MTURN: variants seen among roughly 807,000 people sequenced by gnomAD.
MTURN encodes the protein maturin.
MTURN carries 7 observed loss-of-function variants against 14.9 expected under a neutral mutation model. The ratio of observed to expected loss-of-function variants is 0.47; its 90% CI spans 0.27 to 0.88. MTURN has a LOEUF of 0.88. Among genes scored for constraint, MTURN ranks in the 40% least tolerant of loss-of-function variants. The pLI is 0.14. For missense variants in MTURN, 151 were observed against 174.1 expected (o/e 0.87, Z 0.75); for synonymous variants, 69 against 72.5 (o/e 0.95, Z 0.25).
intron 2 of MTURN, among the ~76,000 whole-genome samples, chr7:30,152,146 CTT>C (rs1319496497): frequency 7.2e-6 from 1 of 139,058 alleles, no homozygotes; most frequent in Non-Finnish European, 1.6e-5. Flanking sequence ...TCTTTTTTTT[CTT>C]TTTTCCTTTT....
rs1796951098 is a variant in MTURN at position 30,135,985 on chromosome 7, T to TGCTCACACCCTCACCCTC, written c.162+688_162+705dup. Among the ~76,000 whole-genome samples, 3 of 149,020 alleles carry TGCTCACACCCTCACCCTC rather than the reference T, an allele frequency of 2.0e-5. No homozygotes were observed. In the South Asian group the frequency reaches 6.4e-4, roughly 32 times the overall value. On this transcript the variant is annotated intron_variant, in intron 1 of 2. Transcript: ENST00000324453. ...ATACACCCCAACACACACACACACA[T>TGCTCACACCCTCACCCTC]GCTCACACCCTCACCCTCACACGCG... is the stretch of plus-strand genomic sequence containing the variant.
chr7:30,138,555 T>G (rs1464252712), intron 1 of MTURN, among the ~76,000 whole-genome samples: 1 of 152,104 alleles, frequency 6.6e-6, no homozygotes, highest in Non-Finnish European at 1.5e-5. Context: ...GTCTCCTAAT[T>G]TGTCTCCTTG....
intron 2 of MTURN, among the ~76,000 whole-genome samples, chr7:30,146,666 G>T (rs542403451): frequency 6.6e-6 from 1 of 152,270 alleles, no homozygotes; most frequent in African/African-American, 2.4e-5. Context: ...ATAGTGGGGC[G>T]TATATTTGGG....
intron 2 of MTURN, among the ~76,000 whole-genome samples, chr7:30,156,324 G>A (rs145060052): frequency 4.9e-4 from 75 of 152,144 alleles, no homozygotes; most frequent in African/African-American, 1.8e-3. Context: ...CTTAAAATTG[G>A]GGTGTATTTT....
chr7:30,137,071 A>G (rs1796975087), intron 1 of MTURN, among the ~76,000 whole-genome samples: 1 of 151,256 alleles, frequency 6.6e-6, no homozygotes, highest in Non-Finnish European at 1.5e-5. Context: ...TCTTTTTGGA[A>G]GGAGTGGGAG....
intron 1 of MTURN, among the ~76,000 whole-genome samples, chr7:30,145,626 G>A (rs1797117565): frequency 6.6e-6 from 1 of 152,216 alleles, no homozygotes; most frequent in Admixed American, 6.5e-5. Context: ...GAAAGCCTTT[G>A]TTTTCCAGTG....
At chr7:30,149,456 G>A (rs546882707) in intron 2 of MTURN, among the ~76,000 whole-genome samples, 7 of 152,220 alleles carry the variant, frequency 4.6e-5, no homozygotes, top group Middle Eastern at 3.4e-3. Flanking sequence ...GCACCTTCCC[G>A]GACTGGTAAA....
intron 2 of MTURN, among the ~76,000 whole-genome samples, chr7:30,148,943 G>A (rs559966074): frequency 2.0e-4 from 30 of 152,258 alleles, no homozygotes; most frequent in African/African-American, 5.3e-4. Flanking sequence ...ACTGAGGTTC[G>A]CTTTGCAGCA....
Position 30,135,279 on chromosome 7 carries a change from A to G in MTURN, c.143A>G (p.Asn48Ser). 1.3e-6 allele frequency: 2 copies of G among 1,520,730 alleles called. No homozygotes were observed. The highest frequency in any genetic ancestry group is 1.8e-6 in the Non-Finnish European group (2 of 1,132,774). 94.2% of individuals were successfully genotyped at this position (1,520,730 alleles called of 1,614,324 possible). Reference protein sequence around the residue: ...GVSFYVLCPDNGCGDNFHVWS... With the variant: ...GVSFYVLCPDSGCGDNFHVWS... ...TCCTTCTATGTGCTGTGTCCGGACA[A>G]CGGCTGCGGCGACAATTTTGTGAGT... The change falls in exon 1 of 3, where the codon AAC becomes AGC. Residue 48 changes from asparagine (N) to serine (S), a missense_variant. Coordinates refer to ENST00000324453, the MANE Select transcript of MTURN (RefSeq NM_152793.3).
intron 2 of MTURN, among the ~76,000 whole-genome samples, chr7:30,153,778 C>T (rs1797245079): frequency 6.6e-6 from 1 of 152,124 alleles, no homozygotes; most frequent in Non-Finnish European, 1.5e-5. Flanking sequence ...AGTGCAATGG[C>T]ACGATCTTGG....
chr7:30,135,127 C>A lies in MTURN; in HGVS notation c.-10C>A. ...GGCGGGCGGCGGCGGGAGGCGGGCG[C>A]GGGGCCGCGATGGATTTCCAGCAGC... On this transcript the variant is annotated 5_prime_UTR_variant, in exon 1 of 3. Coordinates refer to ENST00000324453, the MANE Select transcript of MTURN (RefSeq NM_152793.3). The A allele has an allele frequency of 7.0e-7, 1 of 1,433,226 alleles. No homozygotes were observed. The highest frequency in any genetic ancestry group is 9.2e-7 in the Non-Finnish European group (1 of 1,082,618). 88.8% of individuals were successfully genotyped at this position (1,433,226 alleles called of 1,614,324 possible). A position where few individuals can be genotyped will look rare whatever the true frequency, so the allele number is the denominator to read the frequency against.
Position 30,158,965 on chromosome 7 carries a change from G to GAT in MTURN, c.*1417_*1418insAT. 6.6e-6 allele frequency: 1 copy of GAT among 152,232 alleles called. No individual in the cohort carries two copies. The highest frequency in any genetic ancestry group is 1.9e-4 in the East Asian group (1 of 5,172). 9.4% of individuals were successfully genotyped at this position (152,232 alleles called of 1,614,324 possible). A position where few individuals can be genotyped will look rare whatever the true frequency, so the allele number is the denominator to read the frequency against. On this transcript the variant is annotated 3_prime_UTR_variant, in exon 3 of 3. Transcript: ENST00000324453. ...AGCAGCAGAGGCCACAGAACTTATG[G>GAT]GAGTCTTGTATATCTTCCAGGCATG...
Position 30,157,533 on chromosome 7 carries a change from G to A in MTURN, c.381G>A (p.Gly127=). ...CAGAGGCGGACCACCCCCAGATGGG[G>A]GTCAGCCAGCAGTAAATCTGGGGGC... ...EEPEADHPQM[G]VSQQ is the part of the protein sequence containing the mutation. The change falls in exon 3 of 3, where the codon GGG becomes GGA. Residue 127 remains glycine, a synonymous_variant. Transcript: ENST00000324453. The A allele has an allele frequency of 6.2e-7, 1 of 1,600,982 alleles. No homozygotes were observed. Among genetic ancestry groups the A allele is most frequent in the Non-Finnish European group, 8.5e-7 (1 of 1,174,448 alleles).
At chr7:30,137,728 T>A (rs148314893) in intron 1 of MTURN, 1 of 469,102 alleles carries the variant, frequency 2.1e-6, no homozygotes, top group Non-Finnish European at 4.4e-6. Context: ...CTAATAAGTG[T>A]CCTGCCTTAG....
intron 2 of MTURN, among the ~76,000 whole-genome samples, chr7:30,150,121 TTAA>T (rs1797186418): frequency 6.6e-6 from 1 of 152,168 alleles, no homozygotes; most frequent in Admixed American, 6.5e-5. Context: ...AATTAGAAAA[TTAA>T]TGATGATAGT....
At chr7:30,154,284 A>T (rs1562571132) in intron 2 of MTURN, among the ~76,000 whole-genome samples, 1 of 152,142 alleles carries the variant, frequency 6.6e-6, no homozygotes, top group Non-Finnish European at 1.5e-5. Flanking sequence ...TTTTCACTCA[A>T]CACCCTCCCG....
rs191238548 is a variant in MTURN, at chr7:30,145,774, T to A, written c.163-403T>A. 1.9e-4 allele frequency: 280 copies of A among 1,438,328 alleles called. 4 individuals carry two copies. In the Admixed American group the frequency reaches 7.2e-3, roughly 37 times the overall value. 89.1% of individuals were successfully genotyped at this position (1,438,328 alleles called of 1,614,324 possible). A position where few individuals can be genotyped will look rare whatever the true frequency, so the allele number is the denominator to read the frequency against. Reference sequence around the variant, plus strand: ...GCTTACAAACTATGCTTAATTAATCTTTCAGCCGTAGCTGAAAGCAAAGTT... The same window carrying A: ...GCTTACAAACTATGCTTAATTAATCATTCAGCCGTAGCTGAAAGCAAAGTT... On this transcript the variant is annotated intron_variant, in intron 1 of 2. Coordinates refer to ENST00000324453, the MANE Select transcript of MTURN (RefSeq NM_152793.3).
At chr7:30,139,782 C>T (rs1434277714) in intron 1 of MTURN, among the ~76,000 whole-genome samples, 4 of 152,180 alleles carry the variant, frequency 2.6e-5, no homozygotes, top group African/African-American at 7.2e-5. Context: ...TTCTCTATCT[C>T]GCTCCACAGG....
At chr7:30,143,642 A>G (rs1026115333) in intron 1 of MTURN, among the ~76,000 whole-genome samples, 1 of 152,200 alleles carries the variant, frequency 6.6e-6, no homozygotes, top group African/African-American at 2.4e-5. Context: ...AGAACTGGTA[A>G]TAGGTGGAGA....
Sources: allele counts gnomAD v4.1 joint callset (sites outside exome capture counted in the v4.1 genomes callset), GRCh38; gene constraint gnomAD v4.1.1; transcripts MANE v1.5; gene names NCBI Gene and HGNC (gene_info 2026-07-23, HGNC 2026-07-21).